Variants in DIAPH3 observed in about 807,000 individuals in gnomAD.
The protein encoded by DIAPH3 is protein diaphanous homolog 3.
Under a neutral mutation model 144.3 loss-of-function variants are expected in DIAPH3, and 117 were observed. That is an observed-to-expected ratio of 0.81 (90% CI 0.70 to 0.95). The LOEUF (loss-of-function observed/expected upper bound fraction) is 0.95, where lower values mean the gene tolerates loss of function less well. Among genes scored for constraint, DIAPH3 ranks in the 40% least tolerant of loss-of-function variants. DIAPH3 has a pLI of 0.00. For synonymous variants in DIAPH3, 519 were observed against 488.9 expected (o/e 1.06, Z -0.81); for missense variants, 1,421 against 1,412.7 (o/e 1.01, Z -0.09).
chr13:59,803,626 G>A (rs1280294275), intron 25 of DIAPH3, among the ~76,000 whole-genome samples: 1 of 152,158 alleles, frequency 6.6e-6, no homozygotes, highest in Non-Finnish European at 1.5e-5. Flanking sequence ...ATTAAGTTAT[G>A]TTGGAAGTCT....
intron 25 of DIAPH3, among the ~76,000 whole-genome samples, chr13:59,777,228 G>T (rs1232902136): frequency 6.6e-6 from 1 of 152,162 alleles, no homozygotes; most frequent in East Asian, 1.9e-4. Flanking sequence ...ATGTTGAAAA[G>T]ACAAAGAAGC....
intron 25 of DIAPH3, among the ~76,000 whole-genome samples, chr13:59,786,042 G>C (rs2039015359): frequency 6.6e-6 from 1 of 152,084 alleles, no homozygotes; most frequent in African/African-American, 2.4e-5. Flanking sequence ...CTGGAGCCCA[G>C]GAGGCAGAGG....
At chr13:60,158,512 T>G (rs1295611846) in intron 1 of DIAPH3, among the ~76,000 whole-genome samples, 1 of 152,190 alleles carries the variant, frequency 6.6e-6, no homozygotes, top group Admixed American at 6.5e-5. Flanking sequence ...AATCTCCATG[T>G]GCTGACCATA....
At chr13:60,135,832 C>T (rs2059257723) in intron 1 of DIAPH3, among the ~76,000 whole-genome samples, 1 of 152,134 alleles carries the variant, frequency 6.6e-6, no homozygotes, top group Non-Finnish European at 1.5e-5. Flanking sequence ...AATCTAAGCA[C>T]TAGTAATTTC....
At chr13:59,765,956 T>A (rs1186332057) in intron 27 of DIAPH3, among the ~76,000 whole-genome samples, 1 of 152,230 alleles carries the variant, frequency 6.6e-6, no homozygotes, top group African/African-American at 2.4e-5. Context: ...CCCCCATCCC[T>A]GCCATAATGC....
At chr13:59,961,523 G>T (rs1329916901) in intron 17 of DIAPH3, among the ~76,000 whole-genome samples, 1 of 152,170 alleles carries the variant, frequency 6.6e-6, no homozygotes, top group Non-Finnish European at 1.5e-5. Context: ...ATAAAAAATG[G>T]CAAGTTTTTA....
chr13:59,992,030 T>C (rs2051854510), intron 11 of DIAPH3, 38 bp downstream of exon 11: 3 of 1,531,238 alleles, frequency 2.0e-6, no homozygotes, highest in Admixed American at 1.7e-5. Flanking sequence ...GCAATAATTT[T>C]ATATATGATT....
intron 27 of DIAPH3, among the ~76,000 whole-genome samples, chr13:59,747,860 T>TA (rs2036784308): frequency 6.6e-6 from 1 of 152,220 alleles, no homozygotes; most frequent in African/African-American, 2.4e-5. Context: ...TCTTCCTTCC[T>TA]AGGTAATAGT....
At position 60,110,520 on chromosome 13, in the gene DIAPH3, T is replaced by C. The variant is rs568441385; in HGVS notation, c.390+1490A>G. On this transcript the variant is annotated intron_variant, in intron 3 of 27. Transcript: ENST00000400324. ...ACATTTAAAGAAGGCAACAACACCC[T>C]TCAAAAGCCTTTCAGCTTCAGAATC... 3.9e-4 allele frequency among the ~76,000 whole-genome samples: 60 copies of C among 152,304 alleles called. 1 individual carries two copies. Among genetic ancestry groups the C allele is most frequent in the African/African-American group, 1.4e-3 (58 of 41,564 alleles).
At chr13:59,979,715 G>T (rs2140672222) in intron 14 of DIAPH3, among the ~76,000 whole-genome samples, 1 of 151,670 alleles carries the variant, frequency 6.6e-6, no homozygotes, top group Middle Eastern at 3.4e-3. Flanking sequence ...ATAGAAATGT[G>T]CAACTGCCTC....
Position 59,875,893 on chromosome 13 carries a change from A to G in DIAPH3, c.2607+3336T>C, listed in dbSNP as rs116424885. On this transcript the variant is annotated intron_variant, in intron 21 of 27. Coordinates refer to ENST00000400324, the MANE Select transcript of DIAPH3 (RefSeq NM_001042517.2). ...GCCATCCTGACTACAAATGTCTACA[A>G]AGCTATGATACAGCTCCCCAAACTA... Among the ~76,000 whole-genome samples the G allele has an allele frequency of 9.8e-3, 1,488 of 152,204 alleles. 24 individuals carry two copies. The highest frequency in any genetic ancestry group is 0.033 in the African/African-American group (1,386 of 41,546).
At position 59,862,087 on chromosome 13, in the gene DIAPH3, G is replaced by C. The variant is rs2043627618; in HGVS notation, c.2608-551C>G. Among the ~76,000 whole-genome samples, 3 of 152,246 alleles carry C rather than the reference G, an allele frequency of 2.0e-5. No homozygotes were observed. In the South Asian group the frequency reaches 6.2e-4, roughly 32 times the overall value. ...AAAGACAGGAAGTTGTATGGGCTTA[G>C]GGAAAAGAAAGAAAAAATACAAAAG... On this transcript the variant is annotated intron_variant, in intron 21 of 27. Coordinates refer to ENST00000400324, the MANE Select transcript of DIAPH3 (RefSeq NM_001042517.2).
intron 17 of DIAPH3, among the ~76,000 whole-genome samples, chr13:59,957,376 G>A (rs2049473381): frequency 6.6e-6 from 1 of 152,146 alleles, no homozygotes; most frequent in East Asian, 1.9e-4. Context: ...AGATCTGATG[G>A]TTTTATAAAG....
intron 1 of DIAPH3, among the ~76,000 whole-genome samples, chr13:60,145,336 TAAC>T (rs754210230): frequency 1.4e-4 from 22 of 152,158 alleles, no homozygotes; most frequent in Non-Finnish European, 3.2e-4. Context: ...TACTAAATGA[TAAC>T]AACAACACTG....
chr13:59,880,902 C>A (rs2044978239), intron 20 of DIAPH3, among the ~76,000 whole-genome samples: 1 of 145,148 alleles, frequency 6.9e-6, no homozygotes. Flanking sequence ...AAGAAGTCTA[C>A]TTTACAAGGC....
intron 25 of DIAPH3, among the ~76,000 whole-genome samples, chr13:59,784,891 A>T (rs1184864469): frequency 2.0e-5 from 3 of 152,148 alleles, no homozygotes; most frequent in African/African-American, 7.2e-5. Flanking sequence ...ACATAATTAC[A>T]TGAATTATTC....
chr13:59,847,236 C>T (rs2042693483), intron 22 of DIAPH3, among the ~76,000 whole-genome samples: 1 of 152,080 alleles, frequency 6.6e-6, no homozygotes, highest in Non-Finnish European at 1.5e-5. Flanking sequence ...ATTTGCATTC[C>T]TTAATTAATT....
chr13:59,886,419 T>G (rs1474242328), intron 20 of DIAPH3, among the ~76,000 whole-genome samples: 1 of 152,140 alleles, frequency 6.6e-6, no homozygotes, highest in East Asian at 1.9e-4. Context: ...AGTTTGTTGT[T>G]CTTTAAAATT....
At chr13:59,844,308 T>A (rs1172035914) in intron 22 of DIAPH3, among the ~76,000 whole-genome samples, 1 of 151,780 alleles carries the variant, frequency 6.6e-6, no homozygotes, top group East Asian at 1.9e-4. Context: ...ATCGAGACCA[T>A]CCTAGCTAAC....
Sources: allele counts gnomAD v4.1 joint callset (sites outside exome capture counted in the v4.1 genomes callset), GRCh38; gene constraint gnomAD v4.1.1; transcripts MANE v1.5; gene names NCBI Gene and HGNC (gene_info 2026-07-23, HGNC 2026-07-21).